Variants in CNTN1 observed in about 807,000 individuals in gnomAD.
CNTN1 encodes the protein contactin 1.
In CNTN1, 38 loss-of-function variants were observed where a neutral mutation model predicts 126.4. The observed-to-expected ratio is 0.30, with a 90% CI of 0.23 to 0.39. The LOEUF (loss-of-function observed/expected upper bound fraction) is 0.39, where lower values mean the gene tolerates loss of function less well. Ranked by LOEUF, CNTN1 falls within the 10% of genes least tolerant of loss-of-function variation. CNTN1 has a pLI of 1.00. For missense variants in CNTN1, 1,009 were observed against 1,248.4 expected, an observed-to-expected ratio of 0.81 and a Z score of 2.89; for synonymous variants, 413 against 422.6, an observed-to-expected ratio of 0.98 and a Z score of 0.28.
At chr12:40,858,187 A>C (rs1942981663) in intron 1 of CNTN1, among the ~76,000 whole-genome samples, 3 of 152,094 alleles carry the variant, frequency 2.0e-5, no homozygotes, top group Admixed American at 6.6e-5. Flanking sequence ...TGCCCTTCTC[A>C]CTGCACCTTC....
intron 1 of CNTN1, among the ~76,000 whole-genome samples, chr12:40,773,280 T>C (rs1437971888): frequency 1.3e-5 from 2 of 151,804 alleles, no homozygotes; most frequent in Non-Finnish European, 3.0e-5. Context: ...CTACTCCTTT[T>C]CTGCTCTGAC....
intron 15 of CNTN1, among the ~76,000 whole-genome samples, chr12:40,960,045 C>A (rs1947051479): frequency 6.6e-6 from 1 of 151,922 alleles, no homozygotes; most frequent in South Asian, 2.1e-4. Flanking sequence ...ATTTGTTGAC[C>A]AAATCTTATT....
intron 1 of CNTN1, among the ~76,000 whole-genome samples, chr12:40,792,464 GTCTT>G (rs1361278482): frequency 6.7e-6 from 1 of 150,260 alleles, no homozygotes; most frequent in Non-Finnish European, 1.5e-5. Context: ...ACTTTTATTT[GTCTT>G]TCTTTTCTTC....
intron 15 of CNTN1, among the ~76,000 whole-genome samples, chr12:40,979,560 C>T (rs1947767393): frequency 6.6e-6 from 1 of 151,840 alleles, no homozygotes; most frequent in South Asian, 2.1e-4. Flanking sequence ...ATGCCTAAAT[C>T]AATTGGGGGT....
At chr12:40,704,102 A>C (rs1941673195) in intron 1 of CNTN1, among the ~76,000 whole-genome samples, 1 of 151,980 alleles carries the variant, frequency 6.6e-6, no homozygotes, top group South Asian at 2.1e-4. Flanking sequence ...CAAATGGCTG[A>C]AGAGCAGAAA....
rs10506180 is a variant in CNTN1, at chr12:40,994,784, G to T, written c.2113+1515G>T. On this transcript the variant is annotated intron_variant, in intron 17 of 23. Transcript: ENST00000551295. ...GCTAACACAAAAAATTTAGTGTTTA[G>T]GTCATATCTAGTATCATAGTTAAGG... is the stretch of plus-strand genomic sequence containing the variant. 3.3e-3 allele frequency among the ~76,000 whole-genome samples: 500 copies of T among 151,756 alleles called. 3 individuals carry two copies. Among genetic ancestry groups the T allele is most frequent in the Non-Finnish European group, 5.6e-3 (381 of 67,824 alleles).
chr12:40,816,289 T>C (rs140752883), intron 1 of CNTN1, among the ~76,000 whole-genome samples: 8 of 152,318 alleles, frequency 5.3e-5, no homozygotes, highest in African/African-American at 1.9e-4. Context: ...CTGGGCTTTT[T>C]TTGGTTGGTA....
At chr12:40,851,380 C>A (rs995233319) in intron 1 of CNTN1, among the ~76,000 whole-genome samples, 4 of 152,182 alleles carry the variant, frequency 2.6e-5, no homozygotes, top group African/African-American at 9.7e-5. Context: ...CTCACATGTG[C>A]ACACACATGT....
At chr12:40,707,221 CTTTTTCTTTTTTTTT>C (rs1941781361) in intron 1 of CNTN1, among the ~76,000 whole-genome samples, 1 of 119,450 alleles carries the variant, frequency 8.4e-6, no homozygotes, top group Non-Finnish European at 1.7e-5. Context: ...CATTTCTTTT[CTTTTTCTTTTTTTTT>C]TTTTTTTTTT....
At chr12:40,722,272 G>A (rs1592012009) in intron 1 of CNTN1, among the ~76,000 whole-genome samples, 1 of 152,182 alleles carries the variant, frequency 6.6e-6, no homozygotes, top group Non-Finnish European at 1.5e-5. Context: ...CTGGTTTAAG[G>A]CAATTTGTAT....
At chr12:41,050,315 A>G (rs1282190467) in intron 23 of CNTN1, among the ~76,000 whole-genome samples, 1 of 152,234 alleles carries the variant, frequency 6.6e-6, no homozygotes, top group Non-Finnish European at 1.5e-5. Flanking sequence ...TTATAAAGAA[A>G]AGAGGTTTAA....
At position 41,033,029 on chromosome 12, in the gene CNTN1, T is replaced by C. The variant is rs140765454; in HGVS notation, c.2980+3810T>C. Among the ~76,000 whole-genome samples the C allele has an allele frequency of 6.4e-4, 98 of 152,332 alleles. 2 individuals carry two copies. Among genetic ancestry groups the C allele is most frequent in the African/African-American group, 2.2e-3 (91 of 41,590 alleles). On this transcript the variant is annotated intron_variant, in intron 23 of 23. Coordinates refer to ENST00000551295, the MANE Select transcript of CNTN1 (RefSeq NM_001843.4). ...TCTAGAAAACTGATATACTTCCCCATTAGGTTCATGATTTATATTATTTCA... is the reference window on the plus strand; with the variant it reads ...TCTAGAAAACTGATATACTTCCCCACTAGGTTCATGATTTATATTATTTCA...
intron 16 of CNTN1, among the ~76,000 whole-genome samples, chr12:40,987,439 CGTTGTTAGAAAATTGT>C (rs1291639828): frequency 6.6e-6 from 1 of 152,026 alleles, no homozygotes; most frequent in African/African-American, 2.4e-5. Context: ...ATGCTCAGGT[CGTTGTTAGAAAATTGT>C]GTTTGATTCT....
intron 23 of CNTN1, among the ~76,000 whole-genome samples, chr12:41,042,440 G>T (rs1315290984): frequency 6.6e-6 from 1 of 151,982 alleles, no homozygotes; most frequent in Non-Finnish European, 1.5e-5. Flanking sequence ...GGTCCGCTTG[G>T]TGCAGAGCTG....
chr12:40,921,100 G>A (rs1945425788), intron 4 of CNTN1, among the ~76,000 whole-genome samples: 1 of 152,148 alleles, frequency 6.6e-6, no homozygotes, highest in Admixed American at 6.5e-5. Context: ...TTATTCATTG[G>A]ATTGTAATTT....
At chr12:40,859,543 CG>C (rs1482197780) in intron 1 of CNTN1, among the ~76,000 whole-genome samples, 3 of 151,706 alleles carry the variant, frequency 2.0e-5, no homozygotes, top group African/African-American at 7.3e-5. Flanking sequence ...AAAAAAACAA[CG>C]ACAAAAAGAT....
At chr12:40,977,766 G>GT (rs201781273) in intron 15 of CNTN1, among the ~76,000 whole-genome samples, 47 of 1,796 alleles carry the variant, frequency 0.026, no homozygotes, top group African/African-American at 0.036. Context: ...ACAATCATCT[G>GT]TTTTGTTTTG....
intron 17 of CNTN1, among the ~76,000 whole-genome samples, chr12:41,007,694 T>C (rs2120667628): frequency 6.6e-6 from 1 of 152,254 alleles, no homozygotes; most frequent in East Asian, 1.9e-4. Flanking sequence ...ACACAATGCA[T>C]GCGGAAGGTG....
chr12:40,973,191 G>T (rs1360941523), intron 15 of CNTN1, among the ~76,000 whole-genome samples: 14 of 151,982 alleles, frequency 9.2e-5, no homozygotes, highest in Non-Finnish European at 2.1e-4. Context: ...CAGAGGTTAA[G>T]AAAATTACCA....
Sources: gnomAD v4.1 joint callset for allele counts (sites outside exome capture counted in the v4.1 genomes callset) on GRCh38, gnomAD v4.1.1 for gene constraint, MANE v1.5 for transcripts, NCBI Gene and HGNC (gene_info 2026-07-23, HGNC 2026-07-21) for gene names.